DCBLD2: variants seen among roughly 807,000 people sequenced by gnomAD.
DCBLD2 encodes discoidin, CUB and LCCL domain containing 2.
A neutral mutation model predicts 86.8 loss-of-function variants in DCBLD2; 54 were observed. That is an observed-to-expected ratio of 0.62 (90% CI 0.50 to 0.78). DCBLD2 has a LOEUF of 0.78. Ranked by LOEUF, DCBLD2 falls within the 30% of genes least tolerant of loss-of-function variation. DCBLD2 has a pLI of 0.00. For synonymous variants in DCBLD2, 354 were observed against 341.3 expected, an observed-to-expected ratio of 1.04 and a Z score of -0.41; for missense variants, 908 against 954.2, an observed-to-expected ratio of 0.95 and a Z score of 0.64.
At position 98,799,555 on chromosome 3, in the gene DCBLD2, G is replaced by C; in HGVS notation, c.2145C>G (p.Tyr715Ter). 2 of 1,613,990 alleles carry C rather than the reference G, an allele frequency of 1.2e-6. No homozygotes were observed. Among genetic ancestry groups the C allele is most frequent in the South Asian group, 2.2e-5 (2 of 91,082 alleles). ...GNQPPPLVGT[Y>*]NTLLSRTDSC... ...TGTCAGTCCTGGAGAGAAGTGTATT[G>C]TAAGTTCCCACTAGTGGGGGAGGTT... The change falls in exon 16 of 16, where the codon TAC (tyrosine) becomes TAG (stop). Residue 715 changes from tyrosine to a stop codon, truncating the protein, a stop_gained. Coordinates refer to ENST00000326840, the MANE Select transcript of DCBLD2 (RefSeq NM_080927.4). LOFTEE classifies it high-confidence loss of function.
At chr3:98,877,371 C>T (rs1215930125) in intron 2 of DCBLD2, among the ~76,000 whole-genome samples, 1 of 151,974 alleles carries the variant, frequency 6.6e-6, no homozygotes, top group African/African-American at 2.4e-5. Flanking sequence ...TCTTTCAGTT[C>T]GAGTCATGGG....
intron 1 of DCBLD2, among the ~76,000 whole-genome samples, chr3:98,883,092 T>C (rs1943500251): frequency 6.6e-6 from 1 of 152,240 alleles, no homozygotes; most frequent in African/African-American, 2.4e-5. Flanking sequence ...TGTTGTTTCC[T>C]GACTTTTTAA....
At chr3:98,853,810 G>A (rs961956774) in intron 2 of DCBLD2, among the ~76,000 whole-genome samples, 1 of 152,126 alleles carries the variant, frequency 6.6e-6, no homozygotes, top group Non-Finnish European at 1.5e-5. Context: ...AACTTCCTGA[G>A]GTGTGCCACG....
At chr3:98,901,058 G>T in intron 1 of DCBLD2, 64 bp downstream of exon 1, 2 of 1,534,428 alleles carry the variant, frequency 1.3e-6, no homozygotes, top group Non-Finnish European at 1.7e-6. Flanking sequence ...ATTTGTTCAG[G>T]GGCCAAGAGA....
chr3:98,870,741 G>GAAAGAAAGAA (rs1313363499), intron 2 of DCBLD2, among the ~76,000 whole-genome samples: 2 of 47,398 alleles, frequency 4.2e-5, no homozygotes, highest in African/African-American at 1.6e-4. Flanking sequence ...GAAAGAAAAA[G>GAAAGAAAGAA]AAAGAAAGAA....
At chr3:98,838,600 C>G (rs1942534985) in intron 3 of DCBLD2, among the ~76,000 whole-genome samples, 1 of 150,572 alleles carries the variant, frequency 6.6e-6, no homozygotes, top group Non-Finnish European at 1.5e-5. Flanking sequence ...ACATCCCAGA[C>G]GATGGGCGGC....
chr3:98,878,604 C>T (rs2454681), intron 2 of DCBLD2, among the ~76,000 whole-genome samples: 148,003 of 152,318 alleles, frequency 0.97, 72,064 homozygotes, highest in East Asian at 1. Flanking sequence ...GAATGTTAAA[C>T]GACTATTCTT....
intron 6 of DCBLD2, among the ~76,000 whole-genome samples, chr3:98,820,538 C>T (rs1308137522): frequency 2.0e-5 from 3 of 152,142 alleles, no homozygotes; most frequent in Non-Finnish European, 4.4e-5. Context: ...TGTGATTGTG[C>T]AAAAGTTCTC....
At chr3:98,838,155 C>A (rs1942517493) in intron 3 of DCBLD2, among the ~76,000 whole-genome samples, 2 of 128,396 alleles carry the variant, frequency 1.6e-5, no homozygotes, top group African/African-American at 2.9e-5. Context: ...TGACCCCCCC[C>A]ACCTCCCTCC....
intron 3 of DCBLD2, among the ~76,000 whole-genome samples, chr3:98,839,177 TTTC>T (rs1559781591): frequency 2.9e-4 from 16 of 54,926 alleles, no homozygotes; most frequent in South Asian, 1.1e-3. Context: ...CTTTCCTTTC[TTTC>T]TTCCTTCCTT....
At chr3:98,813,150 G>A (rs1012944562) in intron 9 of DCBLD2, 2 of 152,182 alleles carry the variant, frequency 1.3e-5, no homozygotes, top group African/African-American at 2.4e-5. Context: ...ATGCATTGGC[G>A]GGATCATAGC....
intron 2 of DCBLD2, among the ~76,000 whole-genome samples, chr3:98,867,993 C>T (rs189289134): frequency 6.8e-4 from 104 of 151,976 alleles, no homozygotes; most frequent in Admixed American, 1.4e-3. Context: ...TCAGTAGAGA[C>T]GGGGTTTCAC....
intron 3 of DCBLD2, among the ~76,000 whole-genome samples, chr3:98,844,343 T>TTTTTTATTATTATTATTATTA (rs1553727635): frequency 6.9e-6 from 1 of 145,894 alleles, no homozygotes; most frequent in African/African-American, 2.5e-5. Flanking sequence ...GTCAGTAGCA[T>TTTTTTATTATTATTATTATTA]TTATTATTAT....
At chr3:98,836,646 G>C (rs1198110748) in intron 3 of DCBLD2, among the ~76,000 whole-genome samples, 1 of 130,046 alleles carries the variant, frequency 7.7e-6, no homozygotes, top group Non-Finnish European at 1.7e-5. Context: ...GGGCAGAGGG[G>C]CTCCTCACTT....
intron 1 of DCBLD2, among the ~76,000 whole-genome samples, chr3:98,894,697 T>G (rs1002089774): frequency 6.6e-6 from 1 of 152,074 alleles, no homozygotes; most frequent in Non-Finnish European, 1.5e-5. Context: ...GCTCCTGAAC[T>G]GACCACTAAT....
In DCBLD2 at chr3:98,819,169, A is replaced by T. The variant is rs776574178; in HGVS notation, c.1087+33T>A. 3 of 1,526,694 alleles carry T rather than the reference A, an allele frequency of 2.0e-6. No homozygotes were observed. The South Asian group carries it at 3.7e-5, about 19-fold the overall frequency. The allele number at this position is 1,526,694 out of a possible 1,614,324, so 94.6% of individuals were successfully genotyped here. On this transcript the variant is annotated intron_variant, in intron 8 of 15. Transcript: ENST00000326840. ...TAGTTTTTCAAATAAAATAAGTGTT[A>T]CAAATTGCTTTAGAAAATTTTTGTC...
At chr3:98,817,243 A>G (rs772019185) in intron 9 of DCBLD2, among the ~76,000 whole-genome samples, 8 of 152,212 alleles carry the variant, frequency 5.3e-5, no homozygotes, top group Non-Finnish European at 1.2e-4. Context: ...TAAAACAAAG[A>G]TTCCATAATT....
chr3:98,797,868 T>C lies in DCBLD2; in HGVS notation c.*1504A>G, dbSNP rs919089805. ...GCCAACAGAAGTGACTAGAACTTTA[T>C]GGAAAAGTACTGTTCAACATTAAAT... On this transcript the variant is annotated 3_prime_UTR_variant, in exon 16 of 16. Transcript: ENST00000326840. 1.3e-5 allele frequency: 2 copies of C among 152,214 alleles called. No homozygotes were observed. Among genetic ancestry groups the C allele is most frequent in the African/African-American group, 2.4e-5 (1 of 41,452 alleles). 9.4% of individuals were successfully genotyped at this position (152,214 alleles called of 1,614,324 possible).
At chr3:98,868,631 G>T (rs533050144) in intron 2 of DCBLD2, among the ~76,000 whole-genome samples, 1 of 151,986 alleles carries the variant, frequency 6.6e-6, no homozygotes, top group Non-Finnish European at 1.5e-5. Flanking sequence ...CTGAGTCTCC[G>T]ATGTCCATTA....
Sources: allele counts gnomAD v4.1 joint callset (sites outside exome capture counted in the v4.1 genomes callset), GRCh38; gene constraint gnomAD v4.1.1; transcripts MANE v1.5; gene names NCBI Gene and HGNC (gene_info 2026-07-23, HGNC 2026-07-21).